Variants in GATB observed in about 807,000 individuals in gnomAD.
GATB encodes glutamyl-tRNA(Gln) amidotransferase subunit B, mitochondrial.
Under a neutral mutation model 62.3 loss-of-function variants are expected in GATB, and 39 were observed. That is an observed-to-expected ratio of 0.63 (90% CI 0.48 to 0.82). GATB has a LOEUF of 0.82. GATB is among the 40% of genes least tolerant of loss of function. GATB has a pLI of 0.00. For missense variants in GATB, 670 were observed against 684.0 expected, an observed-to-expected ratio of 0.98 and a Z score of 0.23; for synonymous variants, 276 against 258.9, an observed-to-expected ratio of 1.07 and a Z score of -0.63.
intron 10 of GATB, among the ~76,000 whole-genome samples, chr4:151,683,841 C>A (rs1181441658): frequency 6.6e-6 from 1 of 152,216 alleles, no homozygotes; most frequent in African/African-American, 2.4e-5. Flanking sequence ...CATTTCCCAC[C>A]ACCCATCTTC....
At chr4:151,722,034 C>A in intron 2 of GATB, 1 of 598,094 alleles carries the variant, frequency 1.7e-6, no homozygotes, top group South Asian at 2.1e-5. Context: ...AAGCATCAGT[C>A]ATCACACGTT....
intron 9 of GATB, 105 bp downstream of exon 9, chr4:151,701,224 C>G: frequency 1.1e-6 from 1 of 872,340 alleles, no homozygotes; most frequent in Non-Finnish European, 1.7e-6. Context: ...AAGAAACACG[C>G]CCACCCCACT....
At chr4:151,751,591 A>G (rs1739722028) in intron 2 of GATB, among the ~76,000 whole-genome samples, 1 of 152,240 alleles carries the variant, frequency 6.6e-6, no homozygotes, top group Admixed American at 6.5e-5. Flanking sequence ...ACTTCCAATT[A>G]TGGTAGGTAA....
Position 151,716,955 on chromosome 4 carries a change from C to G in GATB, c.561G>C (p.Gln187His). The G allele has an allele frequency of 6.2e-7, 1 of 1,614,220 alleles. No homozygotes were observed. Among genetic ancestry groups the G allele is most frequent in the Non-Finnish European group, 8.5e-7 (1 of 1,180,048 alleles). ...TGCCACTGTCTTGCTCCAACTGGATCTGCTTGATCCTCACCGTCTTGGGGA... is the reference window on the plus strand; with the variant it reads ...TGCCACTGTCTTGCTCCAACTGGATGTGCTTGATCCTCACCGTCTTGGGGA... ...QVIPKTVRIKQIQLEQDSGKS... is the reference protein window; with the variant it reads ...QVIPKTVRIKHIQLEQDSGKS... Residue 187 changes from glutamine (Q) to histidine (H), a missense_variant, in exon 4 of 13, where the codon CAG (glutamine) becomes CAC (histidine). By Grantham distance (24) the Gln-to-His change is conservative. Transcript: ENST00000263985.
intron 10 of GATB, among the ~76,000 whole-genome samples, chr4:151,687,618 C>T (rs915220247): frequency 6.6e-6 from 1 of 152,108 alleles, no homozygotes; most frequent in Non-Finnish European, 1.5e-5. Flanking sequence ...TATATTGAAG[C>T]GCGATGGTTT....
chr4:151,740,654 G>A (rs753013348), intron 2 of GATB, among the ~76,000 whole-genome samples: 2 of 152,152 alleles, frequency 1.3e-5, no homozygotes, highest in African/African-American at 4.8e-5. Flanking sequence ...CAGCATCACC[G>A]ATGATGCCAC....
intron 11 of GATB, 112 bp from the exon 12 acceptor site, chr4:151,673,008 A>T: frequency 7.5e-7 from 1 of 1,332,246 alleles, no homozygotes; most frequent in Non-Finnish European, 1.0e-6. Flanking sequence ...AGATTCAATT[A>T]AGTCCCCACT....
In GATB at chr4:151,740,813, CT is replaced by C. The variant is rs1234914377; in HGVS notation, c.327+17958del. 2.0e-5 allele frequency among the ~76,000 whole-genome samples: 3 copies of C among 152,292 alleles called. No individual in the cohort carries two copies. In the East Asian group the frequency reaches 5.8e-4, roughly 29 times the overall value. ...TGGTACCCAGCTGCATGATTTCAGG[CT>C]GCGTTTTTATTATAGGCTTCTAGTA... On this transcript the variant is annotated intron_variant, in intron 2 of 12. Transcript: ENST00000263985.
chr4:151,707,785 A>G (rs754211970), intron 6 of GATB, among the ~76,000 whole-genome samples: 2 of 152,252 alleles, frequency 1.3e-5, no homozygotes, highest in African/African-American at 2.4e-5. Context: ...CCAAGGTATG[A>G]GAGCGACTAC....
chr4:151,686,951 T>A (rs1206827365), intron 10 of GATB: 1 of 152,792 alleles, frequency 6.5e-6, no homozygotes, highest in Non-Finnish European at 1.5e-5. Flanking sequence ...GGAACACTTT[T>A]CCCTGTCAGC....
At chr4:151,700,179 A>G (rs746090814) in intron 9 of GATB, among the ~76,000 whole-genome samples, 1 of 152,240 alleles carries the variant, frequency 6.6e-6, no homozygotes, top group Non-Finnish European at 1.5e-5. Context: ...TGACTCAGTC[A>G]TAGTCAAAGT....
intron 10 of GATB, among the ~76,000 whole-genome samples, chr4:151,688,203 T>C (rs1021109975): frequency 1.3e-5 from 2 of 152,166 alleles, no homozygotes; most frequent in Non-Finnish European, 2.9e-5. Flanking sequence ...CTTCAGGGCA[T>C]GGCTCAAACG....
rs778098179 is a variant in GATB at position 151,707,998 on chromosome 4, G to A, written c.867C>T (p.Ala289=). The change falls in exon 6 of 13, where the codon GCC becomes GCT. Residue 289 remains alanine (A), a synonymous_variant. Transcript: ENST00000263985. ...VKNLNSIRFL[A]KAIDYEIQRQ... ...GCAGCTGGCATTCACCTATGGCTTT[G>A]GCCAGGAACCTGATGCTGTTGAGAT... The A allele has an allele frequency of 1.2e-6, 2 of 1,610,076 alleles. No individual in the cohort carries two copies. The highest frequency in any genetic ancestry group is 2.7e-5 in the African/African-American group (2 of 74,880).
At chr4:151,715,802 T>C (rs1738900297) in intron 5 of GATB, among the ~76,000 whole-genome samples, 1 of 152,124 alleles carries the variant, frequency 6.6e-6, no homozygotes, top group East Asian at 1.9e-4. Flanking sequence ...TTATATTTGG[T>C]TGGGGGCTCA....
intron 5 of GATB, among the ~76,000 whole-genome samples, chr4:151,715,318 C>T (rs1738892449): frequency 6.6e-6 from 1 of 152,192 alleles, no homozygotes; most frequent in Non-Finnish European, 1.5e-5. Flanking sequence ...ATAGCAGAGG[C>T]TACCCTTTAC....
At chr4:151,689,215 A>T (rs1412370138) in intron 9 of GATB, among the ~76,000 whole-genome samples, 1 of 152,246 alleles carries the variant, frequency 6.6e-6, no homozygotes, top group Non-Finnish European at 1.5e-5. Flanking sequence ...AAAACAAAGC[A>T]AAATCAAGAA....
chr4:151,732,850 G>C (rs977072611), intron 2 of GATB, among the ~76,000 whole-genome samples: 14 of 151,074 alleles, frequency 9.3e-5, no homozygotes, highest in African/African-American at 3.2e-4. Context: ...TAAAAACTAT[G>C]TAGAAATAAA....
intron 6 of GATB, 92 bp from the exon 7 acceptor site, chr4:151,705,361 G>C: frequency 4.6e-6 from 3 of 649,644 alleles, no homozygotes; most frequent in Admixed American, 2.9e-5. Context: ...CAATCTCTAA[G>C]TTAAAAAAAA....
intron 10 of GATB, among the ~76,000 whole-genome samples, chr4:151,685,560 T>C (rs1395582310): frequency 6.6e-6 from 1 of 152,194 alleles, no homozygotes; most frequent in Non-Finnish European, 1.5e-5. Flanking sequence ...TCCAGTTCTT[T>C]GCTGTTCCTG....
Sources: allele counts gnomAD v4.1 joint callset (sites outside exome capture counted in the v4.1 genomes callset), GRCh38; gene constraint gnomAD v4.1.1; transcripts MANE v1.5; gene names NCBI Gene and HGNC (gene_info 2026-07-23, HGNC 2026-07-21).